Variants in CADM1 observed in about 807,000 individuals in gnomAD.
CADM1 encodes cell adhesion molecule 1.
In CADM1, 15 loss-of-function variants were observed where a neutral mutation model predicts 53.1. The observed-to-expected ratio is 0.28, with a 90% CI of 0.19 to 0.44. The LOEUF (loss-of-function observed/expected upper bound fraction) is 0.44, where lower values mean the gene tolerates loss of function less well. CADM1 is among the 20% of genes least tolerant of loss of function. The pLI is 1.00. For synonymous variants in CADM1, 281 were observed against 243.0 expected (o/e 1.16, Z -1.45); for missense variants, 434 against 611.3 (o/e 0.71, Z 3.06).
At chr11:115,194,324 T>C (rs892956828) in intron 9 of CADM1, among the ~76,000 whole-genome samples, 2 of 152,166 alleles carry the variant, frequency 1.3e-5, no homozygotes, top group Non-Finnish European at 2.9e-5. Context: ...AATAAGAAAA[T>C]TGTACGTGCT....
At chr11:115,207,158 T>C (rs1440738601) in intron 8 of CADM1, 1 of 152,176 alleles carries the variant, frequency 6.6e-6, no homozygotes, top group Non-Finnish European at 1.5e-5. Context: ...AATGTTGTGT[T>C]AGTAGCAATT....
At chr11:115,406,948 C>T (rs1947330280) in intron 1 of CADM1, among the ~76,000 whole-genome samples, 1 of 145,654 alleles carries the variant, frequency 6.9e-6, no homozygotes, top group Non-Finnish European at 1.5e-5. Context: ...GAAACTCTGT[C>T]TTAAAAAAAA....
At chr11:115,288,317 C>T (rs1943786062) in intron 1 of CADM1, among the ~76,000 whole-genome samples, 1 of 151,990 alleles carries the variant, frequency 6.6e-6, no homozygotes, top group Non-Finnish European at 1.5e-5. Flanking sequence ...TCCAGAAGTC[C>T]AGGAGAAAAA....
At chr11:115,249,538 T>C (rs778133884) in intron 1 of CADM1, among the ~76,000 whole-genome samples, 42 of 152,184 alleles carry the variant, frequency 2.8e-4, no homozygotes, top group South Asian at 6.2e-4. Flanking sequence ...ACACAAGCTA[T>C]TCACAACTAA....
At chr11:115,383,124 A>T (rs1946619039) in intron 1 of CADM1, among the ~76,000 whole-genome samples, 1 of 152,178 alleles carries the variant, frequency 6.6e-6, no homozygotes, top group Admixed American at 6.5e-5. Context: ...TTCCTGCATG[A>T]TTCTTCTATA....
chr11:115,489,014 C>T (rs933041596), intron 1 of CADM1, among the ~76,000 whole-genome samples: 1 of 152,110 alleles, frequency 6.6e-6, no homozygotes, highest in African/African-American at 2.4e-5. Context: ...TTAAGACAAG[C>T]CTCTCATGAA....
At position 115,176,003 on chromosome 11, in the gene CADM1, TAAAC is replaced by T; in HGVS notation, c.*467_*470del. On this transcript the variant is annotated 3_prime_UTR_variant, in exon 12 of 12. Coordinates refer to ENST00000331581, the MANE Select transcript of CADM1 (RefSeq NM_001301043.2). ...GAACAGAAAGCAGTTACCATAAAAA[TAAAC>T]AAAAGTAAAAAACTAGAACAGAAAA... is the stretch of plus-strand genomic sequence containing the variant. 9.6e-7 allele frequency: 1 copy of T among 1,041,418 alleles called. No homozygotes were observed. Among genetic ancestry groups the T allele is most frequent in the African/African-American group, 1.7e-5 (1 of 57,910 alleles). The allele number at this position is 1,041,418 out of a possible 1,614,324, so 64.5% of individuals were successfully genotyped here. A position where few individuals can be genotyped will look rare whatever the true frequency, so the allele number is the denominator to read the frequency against.
In CADM1 at chr11:115,178,741, T is replaced by C. The variant is rs748638917; in HGVS notation, c.1200A>G (p.Ala400=). 2 of 1,614,060 alleles carry C rather than the reference T, an allele frequency of 1.2e-6. No homozygotes were observed. The highest frequency in any genetic ancestry group is 1.1e-5 in the South Asian group (1 of 91,076). ...SRAGEEGSIR[A]VDHAVIGGVV... ...CGCCACCGATCACGGCATGATCCAC[T>C]GCCCTGATCGAGCCTTCTTCACCTG... is the stretch of plus-strand genomic sequence containing the variant. Residue 400 remains alanine, a synonymous_variant, in exon 11 of 12, where the codon GCA becomes GCG. Transcript: ENST00000331581.
chr11:115,335,896 CTTTAAT>C (rs1393508036), intron 1 of CADM1, among the ~76,000 whole-genome samples: 6 of 152,222 alleles, frequency 3.9e-5, no homozygotes, highest in Admixed American at 1.3e-4. Flanking sequence ...CACTTGAAAT[CTTTAAT>C]TTTATCACTG....
At chr11:115,383,185 T>C (rs1946620902) in intron 1 of CADM1, among the ~76,000 whole-genome samples, 1 of 152,248 alleles carries the variant, frequency 6.6e-6, no homozygotes, top group South Asian at 2.1e-4. Context: ...GTACATAGTA[T>C]TAGTTTAGAT....
At chr11:115,492,841 A>T (rs1339577649) in intron 1 of CADM1, among the ~76,000 whole-genome samples, 2 of 152,056 alleles carry the variant, frequency 1.3e-5, no homozygotes, top group African/African-American at 4.8e-5. Context: ...TTTAAAATAC[A>T]CTCACACAGT....
chr11:115,484,787 A>G (rs373911019), intron 1 of CADM1, among the ~76,000 whole-genome samples: 1 of 152,068 alleles, frequency 6.6e-6, no homozygotes, highest in South Asian at 2.1e-4. Context: ...CTCTACTAAA[A>G]ATACAAAAAA....
chr11:115,361,116 T>C (rs771170433), intron 1 of CADM1, among the ~76,000 whole-genome samples: 4 of 151,806 alleles, frequency 2.6e-5, no homozygotes, highest in Non-Finnish European at 5.9e-5. Flanking sequence ...GGGAAAGAGG[T>C]TGCTAAAGAA....
At chr11:115,186,621 CCA>C (rs1305580943) in intron 10 of CADM1, among the ~76,000 whole-genome samples, 1 of 152,152 alleles carries the variant, frequency 6.6e-6, no homozygotes, top group Non-Finnish European at 1.5e-5. Flanking sequence ...CGTTTGGGTC[CCA>C]GTTTCCTCAT....
intron 1 of CADM1, among the ~76,000 whole-genome samples, chr11:115,382,496 C>G (rs886180798): frequency 6.6e-6 from 1 of 152,144 alleles, no homozygotes; most frequent in East Asian, 1.9e-4. Context: ...GCTAAAAGTC[C>G]CTCTCTTCTT....
In CADM1 at chr11:115,361,942, G is replaced by C. The variant is rs568828835; in HGVS notation, c.125-121522C>G. 2.2e-4 allele frequency among the ~76,000 whole-genome samples: 34 copies of C among 152,124 alleles called. No individual in the cohort carries two copies. In the South Asian group the frequency reaches 6.6e-3, roughly 30 times the overall value. ...TTTGGTAGAGTTGAAGTCTCTCTCT[G>C]TTGCCCATGCTGATCTCAAACTTCT... On this transcript the variant is annotated intron_variant, in intron 1 of 11. Transcript: ENST00000331581.
chr11:115,493,648 G>A (rs1949547842), intron 1 of CADM1, among the ~76,000 whole-genome samples: 1 of 152,046 alleles, frequency 6.6e-6, no homozygotes, highest in Non-Finnish European at 1.5e-5. Flanking sequence ...TAGTAATAGG[G>A]CAAACTGATA....
intron 1 of CADM1, among the ~76,000 whole-genome samples, chr11:115,334,134 C>A (rs1945201350): frequency 6.6e-6 from 1 of 152,088 alleles, no homozygotes; most frequent in Admixed American, 6.6e-5. Flanking sequence ...TATTTTAGTG[C>A]TCAAGAAAGC....
intron 1 of CADM1, among the ~76,000 whole-genome samples, chr11:115,267,372 C>A (rs937722416): frequency 6.6e-6 from 1 of 152,216 alleles, no homozygotes; most frequent in Non-Finnish European, 1.5e-5. Flanking sequence ...TTTCCACAAG[C>A]CAAGAGCTTC....
Sources: gnomAD v4.1 joint callset for allele counts (sites outside exome capture counted in the v4.1 genomes callset) on GRCh38, gnomAD v4.1.1 for gene constraint, MANE v1.5 for transcripts, NCBI Gene and HGNC (gene_info 2026-07-23, HGNC 2026-07-21) for gene names.